GABRG3: variants seen among roughly 807,000 people sequenced by gnomAD.
GABRG3 encodes gamma-aminobutyric acid type A receptor subunit gamma3.
In GABRG3, 25 loss-of-function variants were observed where a neutral mutation model predicts 48.8. The ratio of observed to expected loss-of-function variants is 0.51; its 90% CI spans 0.37 to 0.72. The LOEUF (loss-of-function observed/expected upper bound fraction) is 0.72, where lower values mean the gene tolerates loss of function less well. Ranked by LOEUF, GABRG3 falls within the 30% of genes least tolerant of loss-of-function variation. The probability of loss-of-function intolerance (pLI) is 0.00; values close to 1 mark genes in which losing one functional copy is unlikely to be tolerated. For synonymous variants in GABRG3, 227 were observed against 217.6 expected, an observed-to-expected ratio of 1.04 and a Z score of -0.38; for missense variants, 394 against 577.9, an observed-to-expected ratio of 0.68 and a Z score of 3.26.
intron 3 of GABRG3, among the ~76,000 whole-genome samples, chr15:27,245,580 A>G (rs970158859): frequency 1.3e-5 from 2 of 152,228 alleles, no homozygotes; most frequent in African/African-American, 2.4e-5. Flanking sequence ...TGGATAATGT[A>G]TAAAGAAAAT....
At chr15:27,478,172 G>A (rs1165889901) in intron 5 of GABRG3, among the ~76,000 whole-genome samples, 2 of 152,086 alleles carry the variant, frequency 1.3e-5, no homozygotes, top group Non-Finnish European at 1.5e-5. Context: ...TTTACATTAT[G>A]TGTATATTAC....
rs187791971 is a variant in GABRG3, at chr15:27,319,019, A to T, written c.271-7790A>T. Among the ~76,000 whole-genome samples the T allele has an allele frequency of 6.6e-6, 1 of 152,218 alleles. No individual in the cohort carries two copies. Among genetic ancestry groups the T allele is most frequent in the Admixed American group, 6.5e-5 (1 of 15,282 alleles). Reference sequence around the variant, plus strand: ...ACTTGAAATCTGCTAACAATATTGTATACTTGTAACTGGCTAAGAGGGTAG... The same window carrying T: ...ACTTGAAATCTGCTAACAATATTGTTTACTTGTAACTGGCTAAGAGGGTAG... On this transcript the variant is annotated intron_variant, in intron 3 of 9. Transcript: ENST00000615808. This position sits in a 1 kb window ranked among gnomAD's most constrained non-coding sequence, Gnocchi z 4.4.
At chr15:27,306,557 AATATAAACATATATGTTTAT>A (rs1371058763) in intron 3 of GABRG3, among the ~76,000 whole-genome samples, 1 of 48,074 alleles carries the variant, frequency 2.1e-5, no homozygotes, top group Non-Finnish European at 8.3e-5. Flanking sequence ...AAACATATAT[AATATAAACATATATGTTTAT>A]ATATAAACAT....
intron 3 of GABRG3, among the ~76,000 whole-genome samples, chr15:27,147,439 G>T (rs1898229391): frequency 6.6e-6 from 1 of 151,922 alleles, no homozygotes; most frequent in Non-Finnish European, 1.5e-5. Flanking sequence ...TAGAATATTT[G>T]AACAACACTC....
intron 3 of GABRG3, among the ~76,000 whole-genome samples, chr15:27,076,662 G>T (rs116246366): frequency 3.3e-5 from 5 of 152,010 alleles, no homozygotes; most frequent in Non-Finnish European, 7.4e-5. Context: ...TTCCTGGGTG[G>T]GCCCTAATCC....
intron 3 of GABRG3, among the ~76,000 whole-genome samples, chr15:27,244,837 T>C (rs1890224892): frequency 6.6e-6 from 1 of 152,244 alleles, no homozygotes; most frequent in African/African-American, 2.4e-5. Flanking sequence ...TTAATTTTTT[T>C]CTTTTAAAGG....
At chr15:27,388,181 A>G (rs71397221) in intron 5 of GABRG3, among the ~76,000 whole-genome samples, 6 of 65,624 alleles carry the variant, frequency 9.1e-5, no homozygotes, top group Admixed American at 1.5e-4. Context: ...GAAGGAAAGG[A>G]GGGAGGGAGG....
chr15:27,095,010 C>G (rs1021549297), intron 3 of GABRG3, among the ~76,000 whole-genome samples: 1 of 152,140 alleles, frequency 6.6e-6, no homozygotes, highest in Non-Finnish European at 1.5e-5. Flanking sequence ...AGCTGTACCT[C>G]AAAGCTCTGC....
chr15:27,321,463 C>CA lies in GABRG3; in HGVS notation c.271-5339dup, dbSNP rs200543505. Among the ~76,000 whole-genome samples, 238 of 151,800 alleles carry CA rather than the reference C, an allele frequency of 1.6e-3. 1 individual carries two copies. The highest frequency in any genetic ancestry group is 4.8e-3 in the Admixed American group (73 of 15,260). On this transcript the variant is annotated intron_variant, in intron 3 of 9. Transcript: ENST00000615808. ...CTGAATAAATAACACCTGCAAGAAACAAAAAAACATATATTTGAGTTATGC... is the reference window on the plus strand; with the variant it reads ...CTGAATAAATAACACCTGCAAGAAACAAAAAAAACATATATTTGAGTTATGC...
At chr15:27,478,951 A>G (rs1890027970) in intron 5 of GABRG3, among the ~76,000 whole-genome samples, 1 of 152,166 alleles carries the variant, frequency 6.6e-6, no homozygotes, top group Non-Finnish European at 1.5e-5. Flanking sequence ...AGACCAAACT[A>G]TAGTGACAGA....
At position 27,527,491 on chromosome 15, in the gene GABRG3, A is replaced by G. The variant is rs769737722; in HGVS notation, c.924A>G (p.Pro308=). 2 of 1,613,952 alleles carry G rather than the reference A, an allele frequency of 1.2e-6. No homozygotes were observed. The highest frequency in any genetic ancestry group is 1.7e-6 in the Non-Finnish European group (2 of 1,179,882). The part of the protein sequence containing the change: ...TLSTIARKSL[P]RVSYVTAMDL... ...GCACCATCGCCAGGAAGTCCTTGCC[A>G]CGCGTGTCCTACGTGACCGCCATGG... The change falls in exon 8 of 10, where the codon CCA becomes CCG. Residue 308 remains proline (P), a synonymous_variant. Coordinates refer to ENST00000615808, the MANE Select transcript of GABRG3 (RefSeq NM_033223.5).
intron 3 of GABRG3, among the ~76,000 whole-genome samples, chr15:27,113,321 G>A (rs990604733): frequency 9.9e-5 from 15 of 151,882 alleles, no homozygotes; most frequent in African/African-American, 2.2e-4. Context: ...CTGTTTTTGC[G>A]TTAATTTTTT....
chr15:27,487,746 C>CATG (rs1890254507), intron 6 of GABRG3, among the ~76,000 whole-genome samples: 1 of 152,076 alleles, frequency 6.6e-6, no homozygotes, highest in African/African-American at 2.4e-5. Context: ...AAATCTGTAC[C>CATG]ATGACATAAG....
intron 3 of GABRG3, among the ~76,000 whole-genome samples, chr15:27,224,349 G>C (rs1889544940): frequency 6.6e-6 from 1 of 152,226 alleles, no homozygotes; most frequent in Non-Finnish European, 1.5e-5. Context: ...GAAATGCTGA[G>C]TAGTGTTAGC....
At chr15:27,039,110 A>G (rs1566916862) in intron 3 of GABRG3, among the ~76,000 whole-genome samples, 2 of 152,182 alleles carry the variant, frequency 1.3e-5, no homozygotes, top group Non-Finnish European at 1.5e-5. Context: ...GTGGGTGTAA[A>G]GTTACTCAGA....
chr15:27,353,309 A>G (rs1246388264), intron 5 of GABRG3, among the ~76,000 whole-genome samples: 2 of 152,122 alleles, frequency 1.3e-5, no homozygotes, highest in African/African-American at 4.8e-5. Context: ...GCTCAGCCAC[A>G]GGGCGCATGT....
intron 2 of GABRG3, among the ~76,000 whole-genome samples, chr15:27,005,299 C>G (rs1320404623): frequency 1.3e-5 from 2 of 152,230 alleles, no homozygotes; most frequent in East Asian, 3.9e-4. Context: ...CTCCCGGGTT[C>G]AAGCAATTCT....
intron 5 of GABRG3, among the ~76,000 whole-genome samples, chr15:27,454,180 CT>C (rs1889193723): frequency 6.6e-6 from 1 of 152,174 alleles, no homozygotes; most frequent in African/African-American, 2.4e-5. Context: ...TAAGATATGC[CT>C]TTTGGTATGC....
At chr15:27,226,759 G>C (rs1189993210) in intron 3 of GABRG3, among the ~76,000 whole-genome samples, 2 of 152,208 alleles carry the variant, frequency 1.3e-5, no homozygotes, top group Non-Finnish European at 2.9e-5. Flanking sequence ...GGCCCTGAGA[G>C]ATGGGGACAG....
Sources: gnomAD v4.1 joint callset for allele counts (sites outside exome capture counted in the v4.1 genomes callset) on GRCh38, gnomAD v4.1.1 for gene constraint, Gnocchi (gnomAD v3.1) non-coding constraint, MANE v1.5 for transcripts, NCBI Gene and HGNC (gene_info 2026-07-23, HGNC 2026-07-21) for gene names.